The following HINT3 variants were observed in gnomAD, a reference collection of about 807,000 sequenced individuals.
The protein encoded by HINT3 is histidine triad nucleotide binding protein 3.
A neutral mutation model predicts 19.1 loss-of-function variants in HINT3; 16 were observed. The observed-to-expected ratio is 0.84, with a 90% confidence interval of 0.57 to 1.27. The LOEUF (loss-of-function observed/expected upper bound fraction) is 1.27. Ranked by LOEUF, HINT3 falls within the 50% of genes most tolerant of loss-of-function variation. HINT3 has a pLI of 0.00. For synonymous variants in HINT3, 75 were observed against 84.8 expected (o/e 0.88, Z 0.63); for missense variants, 197 against 225.8 (o/e 0.87, Z 0.82).
rs992343620 is a variant in HINT3 at position 125,978,552 on chromosome 6, A to G, written c.*876A>G. 6.6e-6 allele frequency: 1 copy of G among 152,192 alleles called. No individual in the cohort carries two copies. The highest frequency in any genetic ancestry group is 2.4e-5 in the African/African-American group (1 of 41,456). 9.4% of individuals were successfully genotyped at this position (152,192 alleles called of 1,614,324 possible). On this transcript the variant is annotated 3_prime_UTR_variant, in exon 5 of 5. Transcript: ENST00000229633. ...AAATTGATAACGCAATGTTAATACT[A>G]TTGATATTTCATAGGTATATTTTGT...
intron 1 of HINT3, among the ~76,000 whole-genome samples, chr6:125,962,522 C>T (rs1254981664): frequency 6.6e-6 from 1 of 151,724 alleles, no homozygotes; most frequent in Non-Finnish European, 1.5e-5. Context: ...TTACATCATA[C>T]ATTCATATAC....
At chr6:125,965,324 C>T (rs1026914146) in intron 1 of HINT3, among the ~76,000 whole-genome samples, 1 of 152,084 alleles carries the variant, frequency 6.6e-6, no homozygotes, top group African/African-American at 2.4e-5. Flanking sequence ...AGGTTGTATT[C>T]TGTACCAGAA....
At chr6:125,972,218 T>C (rs1446187466) in intron 2 of HINT3, 41 bp from the exon 3 acceptor site, 1 of 1,305,308 alleles carries the variant, frequency 7.7e-7, no homozygotes. Context: ...GTGACCTTAA[T>C]GTCTCCTCTA....
chr6:125,972,372 C>A, intron 3 of HINT3, 44 bp downstream of exon 3: 1 of 1,183,540 alleles, frequency 8.4e-7, no homozygotes, highest in Non-Finnish European at 1.2e-6. Flanking sequence ...ACATTATTGA[C>A]GTTTTTCAAA....
rs752259987 is a variant in HINT3, at chr6:125,966,995, G to A, written c.310G>A (p.Val104Ile). ...CTGCAGAACTCTAAGGAAAGATCAA[G>A]TAGAACTGGGTAAGATGATGGCAGT... ...GNCRTLRKDQ[V>I]ELVENMVTVG... Residue 104 changes from valine to isoleucine, a missense_variant, in exon 2 of 5, where the codon GTA (valine) becomes ATA (isoleucine). Coordinates refer to ENST00000229633, the MANE Select transcript of HINT3 (RefSeq NM_138571.5). 7.6e-6 allele frequency: 12 copies of A among 1,577,718 alleles called. No individual in the cohort carries two copies. In the East Asian group the frequency reaches 1.8e-4, roughly 24 times the overall value.
chr6:125,960,656 G>T (rs906164502), intron 1 of HINT3, among the ~76,000 whole-genome samples: 29 of 69,348 alleles, frequency 4.2e-4, no homozygotes, highest in African/African-American at 8.4e-4. Context: ...GACTCTCTCT[G>T]GGGGGGGGGA....
intron 4 of HINT3, among the ~76,000 whole-genome samples, chr6:125,976,285 C>T (rs149798393): frequency 4.4e-4 from 67 of 152,108 alleles, no homozygotes; most frequent in African/African-American, 1.4e-3. Context: ...GTGGTGCATG[C>T]CTGTAGTCTT....
chr6:125,959,379 TA>T (rs771516621), intron 1 of HINT3, among the ~76,000 whole-genome samples: 4 of 152,154 alleles, frequency 2.6e-5, no homozygotes, highest in Non-Finnish European at 5.9e-5. Context: ...CTGGAAAGGC[TA>T]AGAGAAGGGA....
chr6:125,968,487 T>C (rs368502707), intron 2 of HINT3, among the ~76,000 whole-genome samples: 25 of 152,318 alleles, frequency 1.6e-4, no homozygotes, highest in Middle Eastern at 3.4e-3. Context: ...AGTGCATGTG[T>C]CTTTTTGGTA....
chr6:125,959,792 C>T lies in HINT3; in HGVS notation c.201+2614C>T, dbSNP rs1032160037. On this transcript the variant is annotated intron_variant, in intron 1 of 4. Transcript: ENST00000229633. ...CTATAGAGAGAGGTTTAAAATGGCC[C>T]GGCGGGTAGAATGTTGACCCTGGGA... is the stretch of plus-strand genomic sequence containing the variant. Among the ~76,000 whole-genome samples, 4 of 152,214 alleles carry T rather than the reference C, an allele frequency of 2.6e-5. No individual in the cohort carries two copies. In the East Asian group the frequency reaches 5.8e-4, roughly 22 times the overall value.
chr6:125,956,970 C>G lies in HINT3; in HGVS notation c.-8C>G. ...GGCCGAGGCTCTAGGCCGCGAGGGG[C>G]GGGTGCAATGGCGGAGGAACAGGTG... On this transcript the variant is annotated 5_prime_UTR_variant, in exon 1 of 5. Transcript: ENST00000229633. The G allele has an allele frequency of 1.3e-6, 2 of 1,549,314 alleles. No individual in the cohort carries two copies. The highest frequency in any genetic ancestry group is 1.2e-5 in the South Asian group (1 of 83,994).
At chr6:125,964,167 G>A (rs1788983969) in intron 1 of HINT3, among the ~76,000 whole-genome samples, 1 of 152,148 alleles carries the variant, frequency 6.6e-6, no homozygotes, top group Non-Finnish European at 1.5e-5. Flanking sequence ...GCAAAATACT[G>A]TATCTTTAAG....
At chr6:125,972,017 C>G (rs1298300705) in intron 2 of HINT3, among the ~76,000 whole-genome samples, 1 of 152,072 alleles carries the variant, frequency 6.6e-6, no homozygotes, top group Non-Finnish European at 1.5e-5. Flanking sequence ...GGCCACCCAG[C>G]TACTTTTTAA....
At chr6:125,968,715 G>A (rs1789053207) in intron 2 of HINT3, among the ~76,000 whole-genome samples, 2 of 152,034 alleles carry the variant, frequency 1.3e-5, no homozygotes, top group Admixed American at 6.6e-5. Flanking sequence ...TCTGATTGGT[G>A]TTGAAATAGT....
At chr6:125,977,584 T>C (rs1789196662) in intron 4 of HINT3, 60 bp from the exon 5 acceptor site, 3 of 837,742 alleles carry the variant, frequency 3.6e-6, no homozygotes, top group Non-Finnish European at 5.7e-6. Flanking sequence ...GGGATACCAG[T>C]AGAATTATTT....
intron 4 of HINT3, among the ~76,000 whole-genome samples, chr6:125,976,602 C>T (rs1242512990): frequency 3.6e-5 from 5 of 138,812 alleles, no homozygotes; most frequent in Non-Finnish European, 6.1e-5. Flanking sequence ...AAGAGCTATA[C>T]CTTTATAATA....
intron 4 of HINT3, among the ~76,000 whole-genome samples, chr6:125,977,219 C>A (rs1240434801): frequency 2.6e-5 from 4 of 152,130 alleles, no homozygotes; most frequent in Non-Finnish European, 5.9e-5. Context: ...CCTATTCATC[C>A]CTCTTTCCCC....
rs148489815 is a variant in HINT3 at position 125,966,291 on chromosome 6, G to T, written c.202-596G>T. ...CCAGAAAACTGATGCCATACATGTA[G>T]TGTAGTGGTCCCATAAATTAGTACA... On this transcript the variant is annotated intron_variant, in intron 1 of 4. Transcript: ENST00000229633. 2.9e-3 allele frequency among the ~76,000 whole-genome samples: 444 copies of T among 152,276 alleles called. 2 individuals are homozygous for T. Among genetic ancestry groups the T allele is most frequent in the African/African-American group, 0.01 (417 of 41,546 alleles).
chr6:125,966,357 C>T (rs1011634229), intron 1 of HINT3, among the ~76,000 whole-genome samples: 4 of 152,068 alleles, frequency 2.6e-5, no homozygotes, highest in Admixed American at 2.6e-4. Context: ...CTTTTTAATA[C>T]TGTAAAGTGG....
Sources: allele counts gnomAD v4.1 joint callset (sites outside exome capture counted in the v4.1 genomes callset), GRCh38; gene constraint gnomAD v4.1.1; transcripts MANE v1.5; gene names NCBI Gene and HGNC (gene_info 2026-07-23, HGNC 2026-07-21).